The following PI15 variants were observed in gnomAD, a reference collection of about 807,000 sequenced individuals.
The protein encoded by PI15 is peptidase inhibitor 15.
Under a neutral mutation model 31.0 loss-of-function variants are expected in PI15, and 18 were observed. The ratio of observed to expected loss-of-function variants is 0.58; its 90% CI spans 0.40 to 0.86. PI15 has a LOEUF of 0.86. Among genes scored for constraint, PI15 ranks in the 40% least tolerant of loss-of-function variants. The probability of loss-of-function intolerance (pLI) is 0.00; values close to 1 mark genes in which losing one functional copy is unlikely to be tolerated. For missense variants in PI15, 282 were observed against 328.1 expected (o/e 0.86, Z 1.09); for synonymous variants, 118 against 119.1 (o/e 0.99, Z 0.06).
In PI15 at chr8:74,849,174, C is replaced by T. The variant is rs1811069625; in HGVS notation, c.698C>T (p.Pro233Leu). ...GTAGGGGTACCATGTTCATCTTGTC[C>T]TCCAAGTTATGGGGGATCTTGTACT... ...YKVGVPCSSC[P>L]PSYGGSCTDN... Residue 233 changes from proline to leucine, a missense_variant, in exon 6 of 6, where the codon CCT becomes CTT. Physicochemically the swap from Pro to Leu is moderately conservative, Grantham distance 98. Coordinates refer to ENST00000260113, the MANE Select transcript of PI15 (RefSeq NM_015886.5). 6.2e-7 allele frequency: 1 copy of T among 1,612,354 alleles called. No homozygotes were observed. Among genetic ancestry groups the T allele is most frequent in the East Asian group, 2.2e-5 (1 of 44,804 alleles).
At chr8:74,842,754 ATT>A (rs1390535511) in intron 2 of PI15, among the ~76,000 whole-genome samples, 3 of 152,268 alleles carry the variant, frequency 2.0e-5, no homozygotes, top group Non-Finnish European at 2.9e-5. Context: ...GCTCATTCAA[ATT>A]TTGTCCTACG....
intron 2 of PI15, among the ~76,000 whole-genome samples, chr8:74,841,035 T>C (rs1008463068): frequency 1.3e-5 from 2 of 152,170 alleles, no homozygotes; most frequent in Non-Finnish European, 2.9e-5. Flanking sequence ...TATTTAGCTT[T>C]TAAATATATG....
chr8:74,832,226 T>C (rs1810792875), intron 2 of PI15, among the ~76,000 whole-genome samples: 1 of 152,154 alleles, frequency 6.6e-6, no homozygotes, highest in African/African-American at 2.4e-5. Flanking sequence ...GCCTCCGTTT[T>C]TGACAAGGAC....
chr8:74,840,470 C>G (rs1271089244), intron 2 of PI15, among the ~76,000 whole-genome samples: 2 of 152,148 alleles, frequency 1.3e-5, no homozygotes, highest in Admixed American at 1.3e-4. Context: ...TAAGTGGAGA[C>G]TAAGGGGATA....
At position 74,825,463 on chromosome 8, in the gene PI15, G is replaced by T. The variant is rs1810683639; in HGVS notation, c.214G>T (p.Asp72Tyr). 6.2e-7 allele frequency: 1 copy of T among 1,612,836 alleles called. No homozygotes were observed. Residue 72 changes from aspartate to tyrosine, a missense_variant, in exon 2 of 6, where the codon GAT becomes TAT. Asp to Tyr is a radical substitution (Grantham distance 160, BLOSUM62 -3). Transcript: ENST00000260113. ...ISQNDMIAILDYHNQVRGKVF... is the reference protein window; with the variant it reads ...ISQNDMIAILYYHNQVRGKVF... The stretch of plus-strand genomic sequence containing the variant: ...GCAGAATGACATGATCGCCATTCTT[G>T]ATTATCATAATCAAGTTCGGGGCAA...
rs1811148843 is a variant in PI15 at position 74,854,239 on chromosome 8, T to C, written c.*4986T>C. ...ACTGGGTGTAATCTCTTTTGTAATC[T>C]GTTTTGACAGATTTCTTAAATTATG... On this transcript the variant is annotated 3_prime_UTR_variant, in exon 6 of 6. Transcript: ENST00000260113. 6.6e-6 allele frequency: 1 copy of C among 152,106 alleles called. No homozygotes were observed. The highest frequency in any genetic ancestry group is 2.1e-4 in the South Asian group (1 of 4,830). 9.4% of individuals were successfully genotyped at this position (152,106 alleles called of 1,614,324 possible).
chr8:74,847,397 A>T (rs898765879), intron 5 of PI15, among the ~76,000 whole-genome samples: 1 of 151,864 alleles, frequency 6.6e-6, no homozygotes, highest in East Asian at 1.9e-4. Context: ...GTGAGCTGAG[A>T]TCACGCCATT....
chr8:74,845,218 T>A lies in PI15; in HGVS notation c.483T>A (p.Cys161Ter). The change falls in exon 4 of 6, where the codon TGT becomes TGA. Residue 161 changes from cysteine to a stop codon, truncating the protein, a stop_gained. Coordinates refer to ENST00000260113, the MANE Select transcript of PI15 (RefSeq NM_015886.5). LOFTEE classifies it high-confidence loss of function. ...ATCCCCAGGATTGCAACCCCAGATG[T>A]CCTATGAGATGTTTTGGTCCCATGT... ...FPYPQDCNPR[C>*]PMRCFGPMCT... The A allele has an allele frequency of 6.2e-7, 1 of 1,613,496 alleles. No homozygotes were observed. The highest frequency in any genetic ancestry group is 1.1e-5 in the South Asian group (1 of 91,072).
intron 2 of PI15, chr8:74,826,360 G>C (rs773394221): frequency 2.5e-6 from 2 of 804,826 alleles, no homozygotes; most frequent in Non-Finnish European, 3.0e-6. Flanking sequence ...CCAAATTGGG[G>C]TGAGGGGAGG....
intron 2 of PI15, among the ~76,000 whole-genome samples, chr8:74,835,412 C>G (rs1810848336): frequency 1.3e-5 from 2 of 152,100 alleles, no homozygotes; most frequent in African/African-American, 4.8e-5. Context: ...CTGGGAGATT[C>G]TAGAGTTATT....
rs1016131790 is a variant in PI15 at position 74,845,399 on chromosome 8, C to T, written c.543C>T (p.Ser181=). 1.2e-6 allele frequency: 2 copies of T among 1,613,760 alleles called. No individual in the cohort carries two copies. The highest frequency in any genetic ancestry group is 1.3e-5 in the African/African-American group (1 of 75,026). The change falls in exon 5 of 6, where the codon TCC becomes TCT. Residue 181 remains serine, a synonymous_variant. Coordinates refer to ENST00000260113, the MANE Select transcript of PI15 (RefSeq NM_015886.5). ...TTTCACAGATGGTTTGGGCCACTTCCAATCGGATAGGATGCGCAATTCATA... is the reference window on the plus strand; with the variant it reads ...TTTCACAGATGGTTTGGGCCACTTCTAATCGGATAGGATGCGCAATTCATA... ...THYTQMVWAT[S]NRIGCAIHTC... is the part of the protein sequence containing the mutation.
rs1471447373 is a variant in PI15, at chr8:74,853,263, T to C, written c.*4010T>C. On this transcript the variant is annotated 3_prime_UTR_variant, in exon 6 of 6. Coordinates refer to ENST00000260113, the MANE Select transcript of PI15 (RefSeq NM_015886.5). ...TGTCAGTATCTATTCTGGTGCTAAATGTATGGTGCTAAATGAATTGTTAGT... is the reference window on the plus strand; with the variant it reads ...TGTCAGTATCTATTCTGGTGCTAAACGTATGGTGCTAAATGAATTGTTAGT... The C allele has an allele frequency of 6.6e-6, 1 of 152,506 alleles. No individual in the cohort carries two copies. Among genetic ancestry groups the C allele is most frequent in the Non-Finnish European group, 1.5e-5 (1 of 67,952 alleles). The allele number at this position is 152,506 out of a possible 1,614,324, so 9.4% of individuals were successfully genotyped here.
chr8:74,842,899 T>C (rs1810964707), intron 2 of PI15, among the ~76,000 whole-genome samples: 1 of 152,218 alleles, frequency 6.6e-6, no homozygotes, highest in South Asian at 2.1e-4. Flanking sequence ...TATGTTTTTA[T>C]AACACTATGT....
intron 3 of PI15, 28 bp from the exon 4 acceptor site, chr8:74,845,100 C>T: frequency 1.3e-6 from 2 of 1,599,842 alleles, no homozygotes; most frequent in Non-Finnish European, 1.7e-6. Context: ...CTGCTGCACT[C>T]TGATTTCTTT....
intron 2 of PI15, chr8:74,826,181 T>A (rs6997280): frequency 0.025 from 6,451 of 255,440 alleles, 98 homozygotes; most frequent in East Asian, 0.03. Flanking sequence ...AATGTTTAAA[T>A]CATTTTACTT....
At position 74,852,368 on chromosome 8, in the gene PI15, G is replaced by A. The variant is rs1225551660; in HGVS notation, c.*3115G>A. The A allele has an allele frequency of 6.6e-6, 1 of 152,064 alleles. No individual in the cohort carries two copies. 9.4% of individuals were successfully genotyped at this position (152,064 alleles called of 1,614,324 possible). A position where few individuals can be genotyped will look rare whatever the true frequency, so the allele number is the denominator to read the frequency against. ...GATTTCATTATAGAATTATCTGTGA[G>A]TTGTGTAGACACAGTCTTAATGTTT... On this transcript the variant is annotated 3_prime_UTR_variant, in exon 6 of 6. Coordinates refer to ENST00000260113, the MANE Select transcript of PI15 (RefSeq NM_015886.5).
Position 74,845,173 on chromosome 8 carries a change from G to A in PI15, c.438G>A (p.Val146=). 6.2e-7 allele frequency: 1 copy of A among 1,612,704 alleles called. No homozygotes were observed. The highest frequency in any genetic ancestry group is 8.5e-7 in the Non-Finnish European group (1 of 1,178,692). ...TGGTCAAGCCATGGTATGATGAAGT[G>A]AAAGATTATGCTTTTCCATATCCCC... ...LQLVKPWYDE[V]KDYAFPYPQD... Residue 146 remains valine, a synonymous_variant, in exon 4 of 6, where the codon GTG becomes GTA. Transcript: ENST00000260113.
chr8:74,827,242 C>T (rs1161559795), intron 2 of PI15, among the ~76,000 whole-genome samples: 1 of 133,476 alleles, frequency 7.5e-6, no homozygotes, highest in Non-Finnish European at 1.6e-5. Context: ...ATTCATTTAT[C>T]TGTAAAATGA....
chr8:74,848,095 A>G (rs1563570559), intron 5 of PI15, among the ~76,000 whole-genome samples: 1 of 152,230 alleles, frequency 6.6e-6, no homozygotes, highest in African/African-American at 2.4e-5. Flanking sequence ...TTGGTTTATT[A>G]TTATGATAAT....
Sources: gnomAD v4.1 joint callset for allele counts (sites outside exome capture counted in the v4.1 genomes callset) on GRCh38, gnomAD v4.1.1 for gene constraint, MANE v1.5 for transcripts, NCBI Gene and HGNC (gene_info 2026-07-23, HGNC 2026-07-21) for gene names.